The following ADAMTSL3 variants were observed in gnomAD, a reference collection of about 807,000 sequenced individuals.
The protein encoded by ADAMTSL3 is ADAMTS-like protein 3.
In ADAMTSL3, 128 loss-of-function variants were observed where a neutral mutation model predicts 201.7. That is an observed-to-expected ratio of 0.63 (90% CI 0.55 to 0.73). ADAMTSL3 has a LOEUF of 0.73. ADAMTSL3 is among the 30% of genes least tolerant of loss of function. The probability of loss-of-function intolerance (pLI) is 0.00; values close to 1 mark genes in which losing one functional copy is unlikely to be tolerated. For missense variants in ADAMTSL3, 1,990 were observed against 2,119.6 expected (o/e 0.94, Z 1.20); for synonymous variants, 738 against 748.4 (o/e 0.99, Z 0.23).
rs550234400 is a variant in ADAMTSL3 at position 83,992,371 on chromosome 15, A to G, written c.3973+1157A>G. 3.3e-5 allele frequency among the ~76,000 whole-genome samples: 5 copies of G among 152,314 alleles called. No homozygotes were observed. The South Asian group carries it at 1.0e-3, about 32-fold the overall frequency. On this transcript the variant is annotated intron_variant, in intron 23 of 29. Transcript: ENST00000286744. The stretch of plus-strand genomic sequence containing the variant: ...TGGAAATCCCTGCAGTGTTTGGCCT[A>G]TGCAGACTTTTGAAAAATTGCTCCA...
intron 2 of ADAMTSL3, 148 bp downstream of exon 2, chr15:83,655,978 A>G: frequency 1.1e-6 from 1 of 887,858 alleles, no homozygotes; most frequent in East Asian, 2.7e-5. Flanking sequence ...AGCCAATGGT[A>G]TTTCTGGTTG....
At chr15:84,010,097 A>T (rs1482021396) in intron 23 of ADAMTSL3, among the ~76,000 whole-genome samples, 3 of 152,254 alleles carry the variant, frequency 2.0e-5, no homozygotes. Context: ...AATTGCTTTT[A>T]GAAATGTTCA....
At chr15:83,949,522 A>T (rs563622550) in intron 19 of ADAMTSL3, among the ~76,000 whole-genome samples, 11 of 152,106 alleles carry the variant, frequency 7.2e-5, no homozygotes, top group African/African-American at 2.7e-4. Context: ...TTTGGTATAT[A>T]CCTAGGAGTG....
intron 4 of ADAMTSL3, among the ~76,000 whole-genome samples, chr15:83,792,798 A>C (rs1343552187): frequency 6.6e-6 from 1 of 152,092 alleles, no homozygotes; most frequent in East Asian, 1.9e-4. Flanking sequence ...TCTCAAAAAA[A>C]AAAAAAAAAT....
At chr15:83,868,019 C>A (rs776788874) in intron 8 of ADAMTSL3, among the ~76,000 whole-genome samples, 58 of 152,292 alleles carry the variant, frequency 3.8e-4, no homozygotes, top group Non-Finnish European at 6.8e-4. Context: ...CCTATCATAT[C>A]TTCCTCAACA....
chr15:83,977,847 G>A (rs1380326800), intron 20 of ADAMTSL3, among the ~76,000 whole-genome samples: 1 of 152,190 alleles, frequency 6.6e-6, no homozygotes, highest in Non-Finnish European at 1.5e-5. Flanking sequence ...TGGGCCTCAG[G>A]GGCCTCCACT....
chr15:83,776,937 A>G (rs1248429584), intron 4 of ADAMTSL3, among the ~76,000 whole-genome samples: 3 of 66,806 alleles, frequency 4.5e-5, no homozygotes, highest in African/African-American at 2.0e-4. Flanking sequence ...ATTAGATGAG[A>G]GTGAGCAGAA....
At chr15:83,920,538 G>A (rs1325997160) in intron 16 of ADAMTSL3, among the ~76,000 whole-genome samples, 1 of 152,094 alleles carries the variant, frequency 6.6e-6, no homozygotes, top group African/African-American at 2.4e-5. Context: ...TCATTACTCG[G>A]GACTTTACAG....
At chr15:83,998,804 T>A (rs923958651) in intron 23 of ADAMTSL3, among the ~76,000 whole-genome samples, 4 of 152,186 alleles carry the variant, frequency 2.6e-5, no homozygotes, top group Non-Finnish European at 5.9e-5. Flanking sequence ...GATAACTAGA[T>A]AAGATCTTAC....
intron 5 of ADAMTSL3, among the ~76,000 whole-genome samples, chr15:83,811,246 C>T (rs2063691122): frequency 6.6e-6 from 1 of 152,140 alleles, no homozygotes; most frequent in Admixed American, 6.6e-5. Flanking sequence ...ATTATTTTGC[C>T]CAACACAATG....
chr15:83,825,760 A>G (rs955600227), intron 6 of ADAMTSL3, among the ~76,000 whole-genome samples: 6 of 152,096 alleles, frequency 3.9e-5, no homozygotes, highest in Admixed American at 3.3e-4. Flanking sequence ...AATGACAAGC[A>G]GAAGGGACAG....
chr15:83,911,123 C>T (rs1317690948), intron 15 of ADAMTSL3, among the ~76,000 whole-genome samples: 1 of 152,072 alleles, frequency 6.6e-6, no homozygotes, highest in Non-Finnish European at 1.5e-5. Context: ...TGCTTAGAAA[C>T]TTTAAACCTT....
At chr15:83,972,398 CCTCT>C (rs1236827618) in intron 20 of ADAMTSL3, among the ~76,000 whole-genome samples, 1 of 152,138 alleles carries the variant, frequency 6.6e-6, no homozygotes, top group South Asian at 2.1e-4. Context: ...GTTCAAGTTG[CCTCT>C]CTATCTGATT....
At chr15:84,037,175 A>G (rs922436200) in intron 29 of ADAMTSL3, among the ~76,000 whole-genome samples, 188 bp downstream of exon 29, 1 of 152,114 alleles carries the variant, frequency 6.6e-6, no homozygotes, top group Non-Finnish European at 1.5e-5. Context: ...GTGCAGCTGC[A>G]TGTTCTCTAG....
chr15:84,037,959 T>A lies in ADAMTSL3; in HGVS notation c.*153T>A. 2 of 1,189,396 alleles carry A rather than the reference T, an allele frequency of 1.7e-6. No homozygotes were observed. The highest frequency in any genetic ancestry group is 2.0e-5 in the South Asian group (1 of 49,354). The allele number at this position is 1,189,396 out of a possible 1,614,324, so 73.7% of individuals were successfully genotyped here. A position where few individuals can be genotyped will look rare whatever the true frequency, so the allele number is the denominator to read the frequency against. On this transcript the variant is annotated 3_prime_UTR_variant, in exon 30 of 30. Coordinates refer to ENST00000286744, the MANE Select transcript of ADAMTSL3 (RefSeq NM_207517.3). ...ATGCAAAAACACCACTGTTAAGGTG[T>A]AAAGTGAAATTTTCCAATGGTAGTT...
chr15:83,755,871 G>A (rs2062711932), intron 3 of ADAMTSL3, among the ~76,000 whole-genome samples: 2 of 151,572 alleles, frequency 1.3e-5, no homozygotes, highest in African/African-American at 4.9e-5. Flanking sequence ...AGTGATTCTT[G>A]TGCCTCAGCC....
chr15:83,756,156 T>G (rs2062716759), intron 3 of ADAMTSL3, among the ~76,000 whole-genome samples: 1 of 152,224 alleles, frequency 6.6e-6, no homozygotes, highest in Non-Finnish European at 1.5e-5. Context: ...CGTAATGTTT[T>G]CCACAGTGGC....
intron 19 of ADAMTSL3, among the ~76,000 whole-genome samples, chr15:83,948,620 C>A (rs1348771955): frequency 6.6e-6 from 1 of 152,132 alleles, no homozygotes. Flanking sequence ...CAGGAAATAT[C>A]AGACCTCTGG....
intron 3 of ADAMTSL3, among the ~76,000 whole-genome samples, chr15:83,722,549 CTAAG>C (rs1353703412): frequency 2.0e-5 from 3 of 152,010 alleles, no homozygotes; most frequent in Non-Finnish European, 4.4e-5. Flanking sequence ...TCCTCTGAGC[CTAAG>C]TAATTCAAAT....
Sources: gnomAD v4.1 joint callset for allele counts (sites outside exome capture counted in the v4.1 genomes callset) on GRCh38, gnomAD v4.1.1 for gene constraint, MANE v1.5 for transcripts, NCBI Gene and HGNC (gene_info 2026-07-23, HGNC 2026-07-21) for gene names.